The following DAB1 variants were observed in gnomAD, a reference collection of about 807,000 sequenced individuals.
DAB1 encodes disabled homolog 1.
A neutral mutation model predicts 64.6 loss-of-function variants in DAB1; 15 were observed. That is an observed-to-expected ratio of 0.23 (90% confidence interval 0.16 to 0.36). The LOEUF (loss-of-function observed/expected upper bound fraction) is 0.36, where lower values mean the gene tolerates loss of function less well. Ranked by LOEUF, DAB1 falls within the 10% of genes least tolerant of loss-of-function variation. DAB1 has a pLI of 1.00. For synonymous variants in DAB1, 235 were observed against 251.9 expected (o/e 0.93, Z 0.64); for missense variants, 596 against 706.7 (o/e 0.84, Z 1.78).
At chr1:58,348,384 G>C (rs1014666996) in intron 3 of DAB1, among the ~76,000 whole-genome samples, 6 of 152,048 alleles carry the variant, frequency 3.9e-5, no homozygotes, top group African/African-American at 1.4e-4. Context: ...ACAACATGAG[G>C]CTAGAAGTCT....
chr1:57,564,360 A>C (rs1189397514), intron 7 of DAB1, among the ~76,000 whole-genome samples: 3 of 152,180 alleles, frequency 2.0e-5, no homozygotes, highest in Non-Finnish European at 4.4e-5. Context: ...AAAGCTGAAA[A>C]TTCTAAAAAT....
rs547209310 is a variant in DAB1, at chr1:57,940,433, C to A, written n.388-56271G>T. Among the ~76,000 whole-genome samples the A allele has an allele frequency of 2.0e-5, 3 of 152,300 alleles. No individual in the cohort carries two copies. In the South Asian group the frequency reaches 6.2e-4, roughly 32 times the overall value. ...CTTACCTTCTCACTTTATAGAAAGGCAGGGCAGAGGTTCAAATAAGTTAAG... is the reference window on the plus strand; with the variant it reads ...CTTACCTTCTCACTTTATAGAAAGGAAGGGCAGAGGTTCAAATAAGTTAAG... On this transcript the variant is annotated intron_variant and non_coding_transcript_variant, in intron 5 of 20. Coordinates refer to the DAB1 transcript ENST00000485760.
intron 2 of DAB1, among the ~76,000 whole-genome samples, chr1:57,195,016 A>G (rs1197913243): frequency 6.6e-6 from 1 of 152,236 alleles, no homozygotes; most frequent in Non-Finnish European, 1.5e-5. Context: ...TCTTAGGGAA[A>G]TGGACAGAAA....
chr1:58,153,693 T>C lies in DAB1; in HGVS notation n.310-3105A>G, dbSNP rs1445071156. Among the ~76,000 whole-genome samples, 3 of 151,904 alleles carry C rather than the reference T, an allele frequency of 2.0e-5. No individual in the cohort carries two copies. In the East Asian group the frequency reaches 5.8e-4, roughly 29 times the overall value. ...TTTCTCACCTCCTTTTGGTCTCCAT[T>C]GTCTATAGGATGGAGTATTCATCTT... On this transcript the variant is annotated intron_variant and non_coding_transcript_variant, in intron 4 of 20. Coordinates refer to the DAB1 transcript ENST00000485760.
At chr1:57,601,829 T>G (rs1411987070) in intron 7 of DAB1, among the ~76,000 whole-genome samples, 2 of 152,294 alleles carry the variant, frequency 1.3e-5, no homozygotes, top group East Asian at 3.9e-4. Flanking sequence ...TTTTTGTGTG[T>G]GTGTGTGTGT....
chr1:57,321,098 C>G (rs1675680390), intron 1 of DAB1, among the ~76,000 whole-genome samples: 1 of 152,196 alleles, frequency 6.6e-6, no homozygotes, highest in African/African-American at 2.4e-5. Flanking sequence ...GGGCACACAG[C>G]TAAGGAGTAG....
chr1:58,061,742 G>A (rs1648515542), intron 5 of DAB1, among the ~76,000 whole-genome samples: 1 of 150,764 alleles, frequency 6.6e-6, no homozygotes, highest in African/African-American at 2.5e-5. Flanking sequence ...TAGAGTGAGG[G>A]TAATAAAGGC....
chr1:58,025,748 TC>T (rs1471740663), intron 5 of DAB1, among the ~76,000 whole-genome samples: 3 of 149,478 alleles, frequency 2.0e-5, no homozygotes, highest in Non-Finnish European at 4.4e-5. Flanking sequence ...ATATTCCTCC[TC>T]TGTCTTTGGG....
At chr1:57,434,582 C>T (rs778207459) in intron 7 of DAB1, among the ~76,000 whole-genome samples, 16 of 152,102 alleles carry the variant, frequency 1.1e-4, no homozygotes, top group Non-Finnish European at 1.9e-4. Context: ...AGTTTTGTAC[C>T]GTTTAACGAC....
At chr1:57,291,541 G>GCAC (rs1672775881) in intron 1 of DAB1, among the ~76,000 whole-genome samples, 1 of 152,136 alleles carries the variant, frequency 6.6e-6, no homozygotes, top group South Asian at 2.1e-4. Context: ...CCATCCATCA[G>GCAC]CCAAGCTTGA....
At chr1:58,333,149 T>G (rs190236886) in intron 4 of DAB1, among the ~76,000 whole-genome samples, 2 of 152,190 alleles carry the variant, frequency 1.3e-5, no homozygotes, top group African/African-American at 4.8e-5. Flanking sequence ...ACCTGTTTAT[T>G]TTTTTCCCTG....
intron 7 of DAB1, among the ~76,000 whole-genome samples, chr1:57,533,648 C>G (rs182216124): frequency 1.6e-3 from 241 of 146,088 alleles, no homozygotes; most frequent in African/African-American, 5.7e-3. Flanking sequence ...ACCTACCTAC[C>G]ATTCAGCTTC....
intron 6 of DAB1, among the ~76,000 whole-genome samples, chr1:57,769,909 A>G (rs1374998156): frequency 6.6e-6 from 1 of 152,066 alleles, no homozygotes; most frequent in African/African-American, 2.4e-5. Flanking sequence ...CCTCTGTGAT[A>G]GCCCTTCCTC....
At chr1:57,591,221 C>T (rs1441174053) in intron 7 of DAB1, among the ~76,000 whole-genome samples, 1 of 152,170 alleles carries the variant, frequency 6.6e-6, no homozygotes, top group Non-Finnish European at 1.5e-5. Context: ...GCTGTGTGAC[C>T]TTGGGCAAAC....
At chr1:57,627,186 G>A (rs751756691) in intron 7 of DAB1, among the ~76,000 whole-genome samples, 8 of 152,132 alleles carry the variant, frequency 5.3e-5, no homozygotes, top group African/African-American at 9.7e-5. Flanking sequence ...TGCCCTTGGT[G>A]TTCCTGGTTC....
intron 1 of DAB1, among the ~76,000 whole-genome samples, chr1:57,401,146 C>T (rs961447704): frequency 6.6e-6 from 1 of 152,102 alleles, no homozygotes. Context: ...TACCTCTACA[C>T]TCAACTGGAA....
chr1:58,073,887 T>G (rs940456811), intron 5 of DAB1, among the ~76,000 whole-genome samples: 7 of 152,128 alleles, frequency 4.6e-5, no homozygotes, highest in African/African-American at 4.8e-5. Flanking sequence ...CTGCTCACTC[T>G]CTAAGGGAAG....
intron 4 of DAB1, among the ~76,000 whole-genome samples, chr1:58,209,151 C>A (rs1161028972): frequency 1.3e-5 from 2 of 152,082 alleles, no homozygotes; most frequent in Non-Finnish European, 2.9e-5. Flanking sequence ...AAAGGCTGAC[C>A]AGCAATGATG....
chr1:57,269,327 C>T (rs1381510343), intron 2 of DAB1, among the ~76,000 whole-genome samples: 3 of 152,280 alleles, frequency 2.0e-5, no homozygotes, highest in East Asian at 1.9e-4. Flanking sequence ...ACCTGTCTAA[C>T]TTCTCAGCCC....
Sources: allele counts gnomAD v4.1 joint callset (sites outside exome capture counted in the v4.1 genomes callset), GRCh38; gene constraint gnomAD v4.1.1; transcripts MANE v1.5; gene names NCBI Gene and HGNC (gene_info 2026-07-23, HGNC 2026-07-21).